The following BBS9 variants were observed in gnomAD, a reference collection of about 807,000 sequenced individuals.
BBS9 encodes the protein protein PTHB1.
BBS9 carries 89 observed loss-of-function variants against 117.7 expected under a neutral mutation model. The observed-to-expected ratio is 0.76, with a 90% CI of 0.64 to 0.90. The LOEUF (loss-of-function observed/expected upper bound fraction) is 0.90, where lower values mean the gene tolerates loss of function less well. Ranked by LOEUF, BBS9 falls within the 40% of genes least tolerant of loss-of-function variation. The probability of loss-of-function intolerance (pLI) is 0.00; values close to 1 mark genes in which losing one functional copy is unlikely to be tolerated. For missense variants in BBS9, 982 were observed against 1,042.2 expected, an observed-to-expected ratio of 0.94 and a Z score of 0.80; for synonymous variants, 379 against 370.9, an observed-to-expected ratio of 1.02 and a Z score of -0.25.
chr7:33,371,995 C>T (rs1046582448), intron 17 of BBS9, among the ~76,000 whole-genome samples: 2 of 151,828 alleles, frequency 1.3e-5, no homozygotes, highest in African/African-American at 4.8e-5. Context: ...AAATCGGTGA[C>T]GATTAGAGAA....
Position 33,286,010 on chromosome 7 carries a change from G to A in BBS9, c.1016+12054G>A, listed in dbSNP as rs902839515. Among the ~76,000 whole-genome samples, 12 of 151,956 alleles carry A rather than the reference G, an allele frequency of 7.9e-5. No homozygotes were observed. The East Asian group carries it at 2.1e-3, about 27-fold the overall frequency. On this transcript the variant is annotated intron_variant, in intron 9 of 22. Coordinates refer to ENST00000242067, the MANE Select transcript of BBS9 (RefSeq NM_198428.3). ...TTGTTTGATTTTGTTACATTCCATA[G>A]TAAGTCTATTTAATTTGCCTGGCAG... is the stretch of plus-strand genomic sequence containing the variant.
At chr7:33,353,708 G>T (rs1333636725) in intron 15 of BBS9, among the ~76,000 whole-genome samples, 1 of 151,904 alleles carries the variant, frequency 6.6e-6, no homozygotes, top group African/African-American at 2.4e-5. Flanking sequence ...ATAATGAAAT[G>T]ACTTAAAGAT....
At position 33,164,430 on chromosome 7, in the gene BBS9, T is replaced by A. The variant is rs560326143; in HGVS notation, c.328+8728T>A. On this transcript the variant is annotated intron_variant, in intron 4 of 22. Transcript: ENST00000242067. ...GATCTGTCTAATGTTGACAGTGGGG[T>A]GTTAAAGTCTCCCATTATTATTGTG... Among the ~76,000 whole-genome samples the A allele has an allele frequency of 3.3e-5, 5 of 152,244 alleles. 1 individual carries two copies. In the South Asian group the frequency reaches 1.0e-3, roughly 32 times the overall value.
intron 11 of BBS9, among the ~76,000 whole-genome samples, chr7:33,343,506 C>T (rs1380767135): frequency 1.3e-5 from 2 of 152,020 alleles, no homozygotes; most frequent in Non-Finnish European, 1.5e-5. Flanking sequence ...CCTCCCCGCC[C>T]CTTTATTTTT....
Position 33,201,392 on chromosome 7 carries a change from G to A in BBS9, c.442+23801G>A, listed in dbSNP as rs779765477. The stretch of plus-strand genomic sequence containing the variant: ...TTATTGTTAATTTTTTTTTCTTTCC[G>A]TTATTATTCCAATTTTAGTATATGT... On this transcript the variant is annotated intron_variant, in intron 5 of 22. Coordinates refer to ENST00000242067, the MANE Select transcript of BBS9 (RefSeq NM_198428.3). Among the ~76,000 whole-genome samples the A allele has an allele frequency of 2.1e-4, 31 of 150,756 alleles. 1 individual carries two copies. The highest frequency in any genetic ancestry group is 1.9e-4 in the Non-Finnish European group (13 of 67,722).
intron 15 of BBS9, among the ~76,000 whole-genome samples, chr7:33,355,079 A>T (rs779197570): frequency 6.6e-6 from 1 of 152,062 alleles, no homozygotes; most frequent in Non-Finnish European, 1.5e-5. Flanking sequence ...AATACTGCTG[A>T]TGGTAGGCAA....
intron 19 of BBS9, among the ~76,000 whole-genome samples, chr7:33,389,518 T>A (rs1368827723): frequency 6.6e-6 from 1 of 151,618 alleles, no homozygotes; most frequent in Non-Finnish European, 1.5e-5. Flanking sequence ...TGAAACCCTG[T>A]CTCTACTAAA....
rs530198201 is a variant in BBS9, at chr7:33,576,061, C to T, written c.2522-28804C>T. Among the ~76,000 whole-genome samples the T allele has an allele frequency of 4.1e-3, 624 of 151,970 alleles. 6 individuals are homozygous for T. The highest frequency in any genetic ancestry group is 0.014 in the African/African-American group (590 of 41,468). On this transcript the variant is annotated intron_variant, in intron 21 of 22. Transcript: ENST00000242067. ...GTGTTGGAAGTTCTGGCCAGGGCAA[C>T]CAGACAAGAGAAAGAAATAAAGGGT...
rs1387085223 is a variant in BBS9 at position 33,577,187 on chromosome 7, G to T, written c.2522-27678G>T. Among the ~76,000 whole-genome samples the T allele has an allele frequency of 2.0e-5, 3 of 151,934 alleles. No homozygotes were observed. The East Asian group carries it at 5.8e-4, about 29-fold the overall frequency. ...AGGGCTAACATCCAGAATCTACAAA[G>T]AACTTAAACAAATTTGCAAGGAAAA... is the stretch of plus-strand genomic sequence containing the variant. On this transcript the variant is annotated intron_variant, in intron 21 of 22. Transcript: ENST00000242067.
intron 19 of BBS9, among the ~76,000 whole-genome samples, chr7:33,422,923 T>A (rs1833075022): frequency 6.6e-6 from 1 of 152,148 alleles, no homozygotes; most frequent in African/African-American, 2.4e-5. Flanking sequence ...AGTTTATATA[T>A]GAGCACATCT....
At chr7:33,387,529 CAG>C in intron 18 of BBS9, among the ~76,000 whole-genome samples, 1 of 151,916 alleles carries the variant, frequency 6.6e-6, no homozygotes, top group Admixed American at 6.5e-5. Context: ...AGTAATTTAT[CAG>C]GGGTGTGTTT....
chr7:33,272,826 T>C (rs541301958), intron 7 of BBS9, among the ~76,000 whole-genome samples, 186 bp from the exon 8 acceptor site: 1 of 152,184 alleles, frequency 6.6e-6, no homozygotes, highest in East Asian at 1.9e-4. Flanking sequence ...AAACTTTGAT[T>C]AGAGTCTTGT....
chr7:33,250,783 A>G (rs1202146575), intron 5 of BBS9, among the ~76,000 whole-genome samples: 1 of 152,210 alleles, frequency 6.6e-6, no homozygotes, highest in East Asian at 1.9e-4. Context: ...TGCCTAGCTT[A>G]CTTCAGCTCA....
chr7:33,334,177 T>C (rs1354933098), intron 9 of BBS9, among the ~76,000 whole-genome samples: 4 of 152,238 alleles, frequency 2.6e-5, no homozygotes, highest in Admixed American at 2.6e-4. Context: ...AAATGGCTTG[T>C]ATCTAAATTG....
chr7:33,213,466 T>G (rs544045867), intron 5 of BBS9, among the ~76,000 whole-genome samples: 1 of 152,220 alleles, frequency 6.6e-6, no homozygotes, highest in Non-Finnish European at 1.5e-5. Flanking sequence ...GCCTGCTTGT[T>G]GCTCTACCTC....
At chr7:33,612,172 A>G (rs1864915753) in intron 21 of BBS9, among the ~76,000 whole-genome samples, 1 of 151,958 alleles carries the variant, frequency 6.6e-6, no homozygotes, top group Non-Finnish European at 1.5e-5. Context: ...CTTTTATTTT[A>G]CTAAGTCTTT....
intron 21 of BBS9, among the ~76,000 whole-genome samples, chr7:33,558,063 G>A (rs894991554): frequency 6.6e-6 from 1 of 152,134 alleles, no homozygotes; most frequent in Admixed American, 6.5e-5. Context: ...AGGTGATTTT[G>A]CATTAAAATA....
At chr7:33,555,622 G>C (rs1378374225) in intron 21 of BBS9, among the ~76,000 whole-genome samples, 12 of 152,154 alleles carry the variant, frequency 7.9e-5, no homozygotes, top group Admixed American at 7.9e-4. Context: ...TTTGGTAGTT[G>C]ATTGGAGATA....
chr7:33,585,712 G>T (rs1227331144), intron 21 of BBS9, among the ~76,000 whole-genome samples: 3 of 151,958 alleles, frequency 2.0e-5, no homozygotes, highest in Admixed American at 6.6e-5. Flanking sequence ...TATAAAAATT[G>T]CATCCGGTTC....
Sources: allele counts gnomAD v4.1 joint callset (sites outside exome capture counted in the v4.1 genomes callset), GRCh38; gene constraint gnomAD v4.1.1; transcripts MANE v1.5; gene names NCBI Gene and HGNC (gene_info 2026-07-23, HGNC 2026-07-21).